GNG4: variants seen among roughly 807,000 people sequenced by gnomAD.
GNG4 encodes G protein subunit gamma 4.
Under a neutral mutation model 5.8 loss-of-function variants are expected in GNG4, and 4 were observed. That is an observed-to-expected ratio of 0.69 (90% CI 0.34 to 1.57). GNG4 has a LOEUF of 1.57. Ranked by LOEUF, GNG4 falls within the 40% of genes most tolerant of loss-of-function variation. The probability of loss-of-function intolerance (pLI) is 0.06; values close to 1 mark genes in which losing one functional copy is unlikely to be tolerated. For missense variants in GNG4, 96 were observed against 95.1 expected (o/e 1.01, Z -0.04); for synonymous variants, 29 against 32.9 (o/e 0.88, Z 0.41).
intron 3 of GNG4, among the ~76,000 whole-genome samples, chr1:235,570,745 G>C (rs1687313762): frequency 6.6e-6 from 1 of 151,672 alleles, no homozygotes; most frequent in South Asian, 2.1e-4. Context: ...ATCCAGGCTC[G>C]AGTGCAGCGC....
At position 235,638,484 on chromosome 1, in the gene GNG4, T is replaced by G. The variant is rs12133886; in HGVS notation, c.-123+11178A>C. Among the ~76,000 whole-genome samples the G allele has an allele frequency of 1.5e-3, 22 of 14,882 alleles. No homozygotes were observed. In the East Asian group the frequency reaches 0.15, roughly 101 times the overall value. 9.8% of individuals were successfully genotyped at this position (14,882 alleles called of 152,430 possible). On this transcript the variant is annotated intron_variant, in intron 1 of 3. Transcript: ENST00000391854. ...CCTGAGCTTGTGGCTCCTCCTGCAT[T>G]TTTTTTTTTTTTTAACATTTTACTT...
chr1:235,626,997 A>AAAAAAAAG (rs1688829821), intron 1 of GNG4, among the ~76,000 whole-genome samples: 1 of 135,534 alleles, frequency 7.4e-6, no homozygotes, highest in African/African-American at 2.9e-5. Flanking sequence ...AAAAAAAAAA[A>AAAAAAAAG]AAGAACTTAG....
chr1:235,591,914 G>A (rs939007472), intron 2 of GNG4, among the ~76,000 whole-genome samples: 2 of 152,202 alleles, frequency 1.3e-5, no homozygotes, highest in Non-Finnish European at 2.9e-5. Context: ...CCCCAGCAGG[G>A]AAATAAAGGA....
intron 3 of GNG4, among the ~76,000 whole-genome samples, chr1:235,581,629 G>A (rs1687638994): frequency 6.6e-6 from 1 of 151,820 alleles, no homozygotes; most frequent in Admixed American, 6.6e-5. Context: ...ATTTCCTGAG[G>A]CCTCCGCACC....
chr1:235,618,409 C>T (rs183189418), intron 1 of GNG4, among the ~76,000 whole-genome samples: 4 of 152,318 alleles, frequency 2.6e-5, no homozygotes, highest in Non-Finnish European at 4.4e-5. Context: ...GCCTCAGGCA[C>T]GCTGGATCCC....
At chr1:235,602,408 C>T (rs534139083) in intron 1 of GNG4, among the ~76,000 whole-genome samples, 2 of 152,290 alleles carry the variant, frequency 1.3e-5, no homozygotes, top group Non-Finnish European at 2.9e-5. Context: ...GAGCCCACGT[C>T]CCCAAATTCC....
chr1:235,637,662 A>C (rs2102986624), intron 1 of GNG4, among the ~76,000 whole-genome samples: 2 of 152,188 alleles, frequency 1.3e-5, no homozygotes. Flanking sequence ...TCAAAAAAAA[A>C]AAAAAAAAAA....
chr1:235,596,335 C>T (rs573535007), intron 1 of GNG4, among the ~76,000 whole-genome samples: 55 of 151,728 alleles, frequency 3.6e-4, no homozygotes, highest in Admixed American at 8.5e-4. Flanking sequence ...GTGGGAAGTT[C>T]GAGACCAGCC....
intron 1 of GNG4, among the ~76,000 whole-genome samples, chr1:235,598,692 G>T (rs930736988): frequency 6.6e-6 from 1 of 151,598 alleles, no homozygotes; most frequent in South Asian, 2.1e-4. Flanking sequence ...ATCTCTGGGG[G>T]AGGACTGAGG....
chr1:235,623,919 A>G (rs1008692787), intron 1 of GNG4, among the ~76,000 whole-genome samples: 2 of 152,214 alleles, frequency 1.3e-5, no homozygotes, highest in Non-Finnish European at 2.9e-5. Flanking sequence ...TAAAGAGACA[A>G]AATGGACATC....
chr1:235,573,005 T>C lies in GNG4; in HGVS notation c.99+10735A>G, dbSNP rs538069919. 2.1e-3 allele frequency among the ~76,000 whole-genome samples: 319 copies of C among 152,312 alleles called. 1 individual carries two copies. Among genetic ancestry groups the C allele is most frequent in the Middle Eastern group, 6.8e-3 (2 of 294 alleles). On this transcript the variant is annotated intron_variant, in intron 3 of 3. Transcript: ENST00000391854. ...GCTTGCTGCAGTGCTTCCTTAAAAG[T>C]AGGACTCACAACACATGCACATGTA... is the stretch of plus-strand genomic sequence containing the variant.
chr1:235,602,302 G>A (rs747170182), intron 1 of GNG4, among the ~76,000 whole-genome samples: 14 of 152,042 alleles, frequency 9.2e-5, no homozygotes, highest in Non-Finnish European at 1.9e-4. Context: ...AGCTCTGGGC[G>A]TGGGAAAGTG....
At chr1:235,630,280 G>A (rs1273301869) in intron 1 of GNG4, among the ~76,000 whole-genome samples, 1 of 152,154 alleles carries the variant, frequency 6.6e-6, no homozygotes, top group Admixed American at 6.5e-5. Flanking sequence ...GAATTCTCTT[G>A]TGGGACTATT....
intron 3 of GNG4, among the ~76,000 whole-genome samples, chr1:235,553,508 A>C (rs1572605314): frequency 6.6e-6 from 1 of 152,242 alleles, no homozygotes; most frequent in East Asian, 1.9e-4. Flanking sequence ...AGAAGCCTCC[A>C]GCTACACAGG....
chr1:235,576,121 C>T (rs867356670), intron 3 of GNG4, among the ~76,000 whole-genome samples: 1 of 144,950 alleles, frequency 6.9e-6, no homozygotes, highest in East Asian at 2.0e-4. Context: ...AGTGCAGTGG[C>T]GTGATCTGGG....
intron 2 of GNG4, among the ~76,000 whole-genome samples, chr1:235,593,212 T>C (rs2003229): frequency 0.21 from 32,241 of 152,148 alleles, 3,886 homozygotes; most frequent in Middle Eastern, 0.3. Context: ...GCCTCCCAAA[T>C]TGCTGGAATT....
intron 1 of GNG4, among the ~76,000 whole-genome samples, chr1:235,605,479 A>G (rs1688339687): frequency 1.3e-5 from 2 of 152,162 alleles, no homozygotes; most frequent in Admixed American, 1.3e-4. Flanking sequence ...CTGGCCCGTG[A>G]TTCCTGCCTT....
chr1:235,590,322 G>A (rs1359679503), intron 2 of GNG4, among the ~76,000 whole-genome samples: 1 of 152,178 alleles, frequency 6.6e-6, no homozygotes, highest in Non-Finnish European at 1.5e-5. Context: ...AGGCATGGTG[G>A]TGGGTGCCTG....
intron 3 of GNG4, among the ~76,000 whole-genome samples, chr1:235,568,222 T>C (rs866203476): frequency 5.9e-5 from 9 of 151,936 alleles, no homozygotes; most frequent in African/African-American, 2.2e-4. Flanking sequence ...CCCGCTCTAG[T>C]CATCACACCT....
Sources: allele counts gnomAD v4.1 joint callset (sites outside exome capture counted in the v4.1 genomes callset), GRCh38; gene constraint gnomAD v4.1.1; transcripts MANE v1.5; gene names NCBI Gene and HGNC (gene_info 2026-07-23, HGNC 2026-07-21).